Variants in PIK3CA observed in about 807,000 individuals in gnomAD.
PIK3CA encodes phosphatidylinositol 4,5-bisphosphate 3-kinase catalytic subunit alpha isoform.
Under a neutral mutation model 138.2 loss-of-function variants are expected in PIK3CA, and 27 were observed. The observed-to-expected ratio is 0.20, with a 90% CI of 0.14 to 0.27. PIK3CA has a LOEUF of 0.27. PIK3CA is among the 10% of genes least tolerant of loss of function. The pLI, the probability that PIK3CA is intolerant of heterozygous loss-of-function variation, is 1.00. For synonymous variants in PIK3CA, 358 were observed against 413.2 expected (o/e 0.87, Z 1.62); for missense variants, 544 against 1,277.4 (o/e 0.43, Z 8.75).
Position 179,154,981 on chromosome 3 carries a change from C to T in PIK3CA, c.-77+6378C>T, listed in dbSNP as rs1328035036. Among the ~76,000 whole-genome samples the T allele has an allele frequency of 2.0e-5, 3 of 152,218 alleles. No homozygotes were observed. In the East Asian group the frequency reaches 5.8e-4, roughly 29 times the overall value. On this transcript the variant is annotated intron_variant, in intron 1 of 20. Coordinates refer to ENST00000263967, the MANE Select transcript of PIK3CA (RefSeq NM_006218.4). ...TTTTAAAAATCTATAAGAATTCTTA[C>T]AGACTATGCTTGTCAGGTACACTTC...
intron 1 of PIK3CA, among the ~76,000 whole-genome samples, chr3:179,172,750 A>T (rs889019088): frequency 6.6e-6 from 1 of 152,198 alleles, no homozygotes; most frequent in African/African-American, 2.4e-5. Context: ...CACTATATTC[A>T]TGAATTGGTA....
chr3:179,210,060 ATTT>A (rs67871207), intron 7 of PIK3CA, 123 bp from the exon 8 acceptor site: 2 of 564,292 alleles, frequency 3.5e-6, no homozygotes, highest in Non-Finnish European at 2.8e-6. Context: ...TGAAAAATCA[ATTT>A]TTTTTTTTTA....
chr3:179,197,333 A>G lies in PIK3CA; in HGVS notation c.-76-1417A>G, dbSNP rs374931081. Among the ~76,000 whole-genome samples the G allele has an allele frequency of 7.2e-5, 11 of 152,294 alleles. No individual in the cohort carries two copies. In the East Asian group the frequency reaches 1.7e-3, roughly 24 times the overall value. On this transcript the variant is annotated intron_variant, in intron 1 of 20. Coordinates refer to ENST00000263967, the MANE Select transcript of PIK3CA (RefSeq NM_006218.4). Reference sequence around the variant, plus strand: ...ATTACAGGTGTGAGCCACCATGCCCAGCCACTTATCTTTAAAGGATTAAGT... The same window carrying G: ...ATTACAGGTGTGAGCCACCATGCCCGGCCACTTATCTTTAAAGGATTAAGT...
intron 1 of PIK3CA, among the ~76,000 whole-genome samples, chr3:179,184,834 G>A (rs1723935512): frequency 6.6e-6 from 1 of 152,220 alleles, no homozygotes; most frequent in African/African-American, 2.4e-5. Flanking sequence ...CACTTTAAAA[G>A]TTTGGTATGA....
At chr3:179,208,266 G>C (rs572249298) in intron 6 of PIK3CA, among the ~76,000 whole-genome samples, 1 of 152,048 alleles carries the variant, frequency 6.6e-6, no homozygotes, top group African/African-American at 2.4e-5. Flanking sequence ...AAATAGAATT[G>C]TTATACTATT....
chr3:179,161,894 T>C (rs182919874), intron 1 of PIK3CA, among the ~76,000 whole-genome samples: 5 of 152,336 alleles, frequency 3.3e-5, no homozygotes, highest in Non-Finnish European at 4.4e-5. Flanking sequence ...TGTATATTTA[T>C]ATTTTTTTAA....
chr3:179,183,180 A>T (rs905722878), intron 1 of PIK3CA, among the ~76,000 whole-genome samples: 1 of 152,228 alleles, frequency 6.6e-6, no homozygotes, highest in African/African-American at 2.4e-5. Flanking sequence ...ATTGCTTGCA[A>T]TGGACATTTT....
intron 1 of PIK3CA, among the ~76,000 whole-genome samples, chr3:179,172,400 A>G (rs1457068392): frequency 6.6e-6 from 1 of 152,146 alleles, no homozygotes; most frequent in African/African-American, 2.4e-5. Context: ...AGGCAAGAAA[A>G]AGAAATTTAA....
At chr3:179,233,115 T>C (rs1204141490) in intron 20 of PIK3CA, among the ~76,000 whole-genome samples, 2 of 152,268 alleles carry the variant, frequency 1.3e-5, no homozygotes, top group East Asian at 3.9e-4. Context: ...TGCCTCGGCT[T>C]CCCAAAGTGC....
At chr3:179,225,895 G>A (rs1576946058) in intron 16 of PIK3CA, 67 bp from the exon 17 acceptor site, 1 of 770,452 alleles carries the variant, frequency 1.3e-6, no homozygotes. Context: ...TGAAAACCAT[G>A]TGATGGCGTG....
At chr3:179,178,271 A>G (rs1233019456) in intron 1 of PIK3CA, among the ~76,000 whole-genome samples, 1 of 151,262 alleles carries the variant, frequency 6.6e-6, no homozygotes, top group Non-Finnish European at 1.5e-5. Flanking sequence ...CAAAAAAAAA[A>G]AAAAAAAAAC....
intron 1 of PIK3CA, among the ~76,000 whole-genome samples, chr3:179,197,966 A>T (rs1195488420): frequency 6.6e-6 from 1 of 152,348 alleles, no homozygotes; most frequent in East Asian, 1.9e-4. Flanking sequence ...ACTAACAGAG[A>T]GAGTCATGGA....
chr3:179,203,130 C>T (rs370262622), intron 4 of PIK3CA, among the ~76,000 whole-genome samples: 7 of 151,642 alleles, frequency 4.6e-5, no homozygotes, highest in East Asian at 1.9e-4. Flanking sequence ...TTAGTAGAGA[C>T]GGGGTTTCAC....
intron 1 of PIK3CA, among the ~76,000 whole-genome samples, chr3:179,185,287 T>C (rs1723947956): frequency 1.3e-5 from 2 of 152,214 alleles, no homozygotes; most frequent in South Asian, 4.1e-4. Context: ...TACAGATCTT[T>C]AAAAGAATCA....
intron 1 of PIK3CA, among the ~76,000 whole-genome samples, chr3:179,156,475 A>G (rs1243217174): frequency 6.6e-6 from 1 of 152,030 alleles, no homozygotes; most frequent in African/African-American, 2.4e-5. Context: ...TTGGTAACTC[A>G]TCCCTCTAGG....
chr3:179,173,925 G>A lies in PIK3CA; in HGVS notation c.-76-24825G>A, dbSNP rs377101105. On this transcript the variant is annotated intron_variant, in intron 1 of 20. Coordinates refer to ENST00000263967, the MANE Select transcript of PIK3CA (RefSeq NM_006218.4). ...GTATTTTTAGTAGAGACAGGGTTTC[G>A]CTATATTGGCCAGGCTGGTCTCAAA... 3.3e-5 allele frequency among the ~76,000 whole-genome samples: 5 copies of A among 151,506 alleles called. No homozygotes were observed. In the East Asian group the frequency reaches 6.1e-4, roughly 19 times the overall value.
intron 17 of PIK3CA, among the ~76,000 whole-genome samples, chr3:179,227,514 G>A (rs1389388148): frequency 6.6e-6 from 1 of 151,976 alleles, no homozygotes; most frequent in Non-Finnish European, 1.5e-5. Flanking sequence ...TTGACAATTT[G>A]TAGGGCCAGG....
chr3:179,199,322 C>T (rs911305101), intron 2 of PIK3CA, 145 bp downstream of exon 2: 4 of 554,090 alleles, frequency 7.2e-6, no homozygotes, highest in East Asian at 6.1e-5. Flanking sequence ...GTATGTTTTA[C>T]TATCGAACTA....
rs776503955 is a variant in PIK3CA at position 179,219,325 on chromosome 3, T to C, written c.1746+48T>C. ...TAGATAACTGTTGTACAAATTGGTA[T>C]GTCACTTAAATTGTTTTCTCTCAGA... On this transcript the variant is annotated intron_variant, in intron 11 of 20. Coordinates refer to ENST00000263967, the MANE Select transcript of PIK3CA (RefSeq NM_006218.4). The surrounding 1 kb of genome is among the most constrained non-coding windows in gnomAD (Gnocchi z 4.2). 1.8e-6 allele frequency: 2 copies of C among 1,109,432 alleles called. No homozygotes were observed. The highest frequency in any genetic ancestry group is 1.7e-5 in the Admixed American group (1 of 57,316). The allele number at this position is 1,109,432 out of a possible 1,614,324, so 68.7% of individuals were successfully genotyped here. A position where few individuals can be genotyped will look rare whatever the true frequency, so the allele number is the denominator to read the frequency against.
Sources: gnomAD v4.1 joint callset for allele counts (sites outside exome capture counted in the v4.1 genomes callset) on GRCh38, gnomAD v4.1.1 for gene constraint, Gnocchi (gnomAD v3.1) non-coding constraint, MANE v1.5 for transcripts, NCBI Gene and HGNC (gene_info 2026-07-23, HGNC 2026-07-21) for gene names.